Variants in RNF213 observed in about 807,000 individuals in gnomAD.
RNF213 encodes ring finger protein 213.
RNF213 carries 341 observed loss-of-function variants against 514.4 expected under a neutral mutation model. That is an observed-to-expected ratio of 0.66 (90% CI 0.61 to 0.73). RNF213 has a LOEUF of 0.73. RNF213 is among the 30% of genes least tolerant of loss of function. RNF213 has a pLI of 0.00. For missense variants in RNF213, 5,767 were observed against 6,615.6 expected, an observed-to-expected ratio of 0.87 and a Z score of 4.45; for synonymous variants, 2,655 against 2,658.2, an observed-to-expected ratio of 1.00 and a Z score of 0.04.
At chr17:80,279,255 C>CT (rs1028810410) in intron 3 of RNF213, among the ~76,000 whole-genome samples, 1 of 152,206 alleles carries the variant, frequency 6.6e-6, no homozygotes, top group African/African-American at 2.4e-5. Flanking sequence ...GCTCCACCAG[C>CT]AACACAGGCT....
intron 3 of RNF213, among the ~76,000 whole-genome samples, chr17:80,274,107 C>T (rs866105330): frequency 7.2e-5 from 11 of 152,018 alleles, no homozygotes; most frequent in Admixed American, 3.9e-4. Flanking sequence ...CCGCTGGGTG[C>T]GTGTCTTGCG....
chr17:80,325,072 C>A lies in RNF213; in HGVS notation c.3067C>A (p.Arg1023=), dbSNP rs777013389. 6.5e-7 allele frequency: 1 copy of A among 1,537,160 alleles called. No homozygotes were observed. ...ILQGFSYSDL[R]KFGIVLSAVI... ...TCAGGGGTTCTCTTACTCTGATTTG[C>A]GGAAATTTGGCATCGTCTTGTCTGC... The change falls in exon 18 of 68, where the codon CGG becomes AGG. Residue 1023 remains arginine (R), a synonymous_variant. Coordinates refer to ENST00000582970, the MANE Select transcript of RNF213 (RefSeq NM_001256071.3).
At chr17:80,300,838 C>T (rs1231680022) in intron 11 of RNF213, among the ~76,000 whole-genome samples, 1 of 152,178 alleles carries the variant, frequency 6.6e-6, no homozygotes, top group African/African-American at 2.4e-5. Flanking sequence ...ATGTGTGAGC[C>T]ACCATGCCCG....
chr17:80,352,553 G>A (rs1311823692), intron 32 of RNF213: 11 of 549,124 alleles, frequency 2.0e-5, no homozygotes, highest in Non-Finnish European at 3.5e-5. Context: ...AAACAGGAAA[G>A]TAAGTTTACT....
At chr17:80,312,801 G>A (rs921304465) in intron 14 of RNF213, among the ~76,000 whole-genome samples, 5 of 152,128 alleles carry the variant, frequency 3.3e-5, no homozygotes, top group African/African-American at 4.8e-5. Context: ...CTTTTCTCCC[G>A]TATCTCCCAC....
rs144458310 is a variant in RNF213 at position 80,363,132 on chromosome 17, A to G, written c.11386A>G (p.Arg3796Gly). 4.8e-5 allele frequency: 78 copies of G among 1,614,102 alleles called. No homozygotes were observed. Among genetic ancestry groups the G allele is most frequent in the Non-Finnish European group, 6.4e-5 (75 of 1,180,042 alleles). The change falls in exon 40 of 68, where the codon AGG becomes GGG. Residue 3796 changes from arginine (R) to glycine (G), a missense_variant. Coordinates refer to ENST00000582970, the MANE Select transcript of RNF213 (RefSeq NM_001256071.3). ...FLQMALWSCT[R>G]KLKAASEAPE... is the part of the protein sequence containing the mutation. ...GCAGATGGCTCTGTGGTCCTGCACTAGGAAACTGAAAGCGGCGTCAGAAGC... is the reference window on the plus strand; with the variant it reads ...GCAGATGGCTCTGTGGTCCTGCACTGGGAAACTGAAAGCGGCGTCAGAAGC...
At chr17:80,332,795 T>C (rs895381211) in intron 21 of RNF213, among the ~76,000 whole-genome samples, 164 bp downstream of exon 21, 2 of 152,116 alleles carry the variant, frequency 1.3e-5, no homozygotes, top group Non-Finnish European at 2.9e-5. Context: ...CCCAAGGGCT[T>C]TGTTTTTACC....
intron 15 of RNF213, among the ~76,000 whole-genome samples, chr17:80,315,036 A>G (rs368599231): frequency 0.011 from 11 of 1,028 alleles, no homozygotes; most frequent in Non-Finnish European, 0.012. Context: ...GGTGGTGGTG[A>G]AGGTGATGGT....
chr17:80,356,678 G>A (rs1052512607), intron 36 of RNF213, among the ~76,000 whole-genome samples: 3 of 152,134 alleles, frequency 2.0e-5, no homozygotes, highest in South Asian at 4.1e-4. Flanking sequence ...CAGGCTCGGC[G>A]GCTCCCGCCT....
chr17:80,388,262 T>G (rs2080317813), intron 63 of RNF213, among the ~76,000 whole-genome samples: 2 of 152,240 alleles, frequency 1.3e-5, no homozygotes, highest in Admixed American at 1.3e-4. Context: ...CCATTTCCTC[T>G]GGCAGAGTGA....
chr17:80,363,585 A>G (rs1349687527), intron 40 of RNF213, 24 bp from the exon 41 acceptor site: 1 of 1,612,128 alleles, frequency 6.2e-7, no homozygotes, highest in Non-Finnish European at 8.5e-7. Flanking sequence ...CCGCTCAGCC[A>G]CGCCCTGCTG....
intron 1 of RNF213, among the ~76,000 whole-genome samples, chr17:80,262,107 C>G (rs1240813393): frequency 2.0e-5 from 3 of 152,000 alleles, no homozygotes; most frequent in African/African-American, 7.2e-5. Flanking sequence ...AAGAAAGAGG[C>G]CTGGGCGGTG....
In RNF213 at chr17:80,343,119, A is replaced by G. The variant is rs1194674773; in HGVS notation, c.5990-13A>G. On this transcript the variant is annotated splice_polypyrimidine_tract_variant and intron_variant, in intron 26 of 67. Transcript: ENST00000582970. The surrounding 1 kb of genome is among the most constrained non-coding windows in gnomAD (Gnocchi z 4.3). ...CACCACTCCCAGCCCTAATTTCTGT[A>G]TTAATGTTATAGGAAAGTCTCTGTA... 1 of 1,610,038 alleles carries G rather than the reference A, an allele frequency of 6.2e-7. No individual in the cohort carries two copies. Among genetic ancestry groups the G allele is most frequent in the African/African-American group, 1.3e-5 (1 of 74,774 alleles).
At chr17:80,385,717 C>T in intron 61 of RNF213, 96 bp downstream of exon 61, 1 of 1,018,964 alleles carries the variant, frequency 9.8e-7, no homozygotes, top group Non-Finnish European at 1.5e-6. Context: ...CTGTCAACAC[C>T]CAGCACTGTG....
chr17:80,317,148 A>G lies in RNF213; in HGVS notation c.2812-40A>G, dbSNP rs369811402. On this transcript the variant is annotated intron_variant, in intron 15 of 67. Transcript: ENST00000582970. The surrounding 1 kb of genome is among the most constrained non-coding windows in gnomAD (Gnocchi z 4.1). Reference sequence around the variant, plus strand: ...TTCATGGGAGTGTGCCGTGGCATTTAGTCGTGAGAGTGGGTGTGACCTGTG... The same window carrying G: ...TTCATGGGAGTGTGCCGTGGCATTTGGTCGTGAGAGTGGGTGTGACCTGTG... 30 of 1,591,902 alleles carry G rather than the reference A, an allele frequency of 1.9e-5. No homozygotes were observed. The highest frequency in any genetic ancestry group is 2.6e-5 in the Non-Finnish European group (30 of 1,165,922).
At chr17:80,379,067 G>A (rs1376461781) in intron 54 of RNF213, among the ~76,000 whole-genome samples, 6 of 151,588 alleles carry the variant, frequency 4.0e-5, no homozygotes, top group Non-Finnish European at 5.9e-5. Flanking sequence ...GCGTGCATGC[G>A]TGTGGTCCCA....
chr17:80,294,700 G>A lies in RNF213; in HGVS notation c.1472-20G>A, dbSNP rs2044870277. On this transcript the variant is annotated intron_variant, in intron 8 of 67. Transcript: ENST00000582970. Reference sequence around the variant, plus strand: ...TTTTGATGGTCTTAGGTAGGCTCTTGTTCCTTCTGTCCCTCTTAGACTGGC... The same window carrying A: ...TTTTGATGGTCTTAGGTAGGCTCTTATTCCTTCTGTCCCTCTTAGACTGGC... 1 of 1,613,446 alleles carries A rather than the reference G, an allele frequency of 6.2e-7. No homozygotes were observed. The highest frequency in any genetic ancestry group is 8.5e-7 in the Non-Finnish European group (1 of 1,180,002).
rs1474948412 is a variant in RNF213 at position 80,278,751 on chromosome 17, C to T, written c.261+5347C>T. 4.6e-6 allele frequency: 7 copies of T among 1,536,958 alleles called. No homozygotes were observed. The Admixed American group carries it at 5.9e-5, about 13-fold the overall frequency. On this transcript the variant is annotated intron_variant, in intron 3 of 67. Transcript: ENST00000582970. ...CAGCCCTGCCCTGTCTGAAGGGGGT[C>T]GTGTTTCAACAGGGAGCTACATCAG... is the stretch of plus-strand genomic sequence containing the variant.
intron 64 of RNF213, 83 bp downstream of exon 64, chr17:80,388,772 T>C: frequency 9.2e-7 from 1 of 1,090,864 alleles, no homozygotes; most frequent in South Asian, 1.2e-5. Flanking sequence ...TACTCCAGCC[T>C]TGCCCCGGGT....
Sources: gnomAD v4.1 joint callset for allele counts (sites outside exome capture counted in the v4.1 genomes callset) on GRCh38, gnomAD v4.1.1 for gene constraint, Gnocchi (gnomAD v3.1) non-coding constraint, MANE v1.5 for transcripts, NCBI Gene and HGNC (gene_info 2026-07-23, HGNC 2026-07-21) for gene names.